The following CXCL13 variants were observed in gnomAD, a reference collection of about 807,000 sequenced individuals.
CXCL13 encodes C-X-C motif chemokine 13.
In CXCL13, 7 loss-of-function variants were observed where a neutral mutation model predicts 12.2. That is an observed-to-expected ratio of 0.57 (90% CI 0.33 to 1.07). CXCL13 has a LOEUF of 1.07. Among genes scored for constraint, CXCL13 ranks in the 50% least tolerant of loss-of-function variants. The probability of loss-of-function intolerance (pLI) is 0.04; values close to 1 mark genes in which losing one functional copy is unlikely to be tolerated. For missense variants in CXCL13, 113 were observed against 127.4 expected (o/e 0.89, Z 0.55); for synonymous variants, 47 against 42.4 (o/e 1.11, Z -0.42).
intron 1 of CXCL13, among the ~76,000 whole-genome samples, chr4:77,571,688 T>G (rs1560529672): frequency 6.6e-6 from 1 of 151,736 alleles, no homozygotes; most frequent in Non-Finnish European, 1.5e-5. Context: ...AGGATGTGGG[T>G]GGGGCCAGAT....
chr4:77,605,669 T>C (rs1272460161), upstream of CXCL13, among the ~76,000 whole-genome samples: 1 of 152,244 alleles, frequency 6.6e-6, no homozygotes, highest in East Asian at 1.9e-4. Flanking sequence ...GAAACAAATT[T>C]ATAAAGTTTG....
intron 1 of CXCL13, among the ~76,000 whole-genome samples, chr4:77,530,964 G>T (rs2110084563): frequency 1.3e-5 from 2 of 151,384 alleles, no homozygotes; most frequent in Middle Eastern, 6.9e-3. Flanking sequence ...CAGAGATTCT[G>T]GTATCTTGTG....
At chr4:77,594,000 G>A (rs972956474) in intron 1 of CXCL13, among the ~76,000 whole-genome samples, 5 of 152,230 alleles carry the variant, frequency 3.3e-5, no homozygotes, top group Non-Finnish European at 7.3e-5. Flanking sequence ...CAGCATTGCT[G>A]CTGGCTGATG....
intron 1 of CXCL13, among the ~76,000 whole-genome samples, chr4:77,544,015 G>A (rs1725287025): frequency 6.6e-6 from 1 of 152,030 alleles, no homozygotes; most frequent in African/African-American, 2.4e-5. Flanking sequence ...TTCTGTCCTT[G>A]CGATATTTTG....
At chr4:77,572,093 T>C (rs1039291473) in intron 1 of CXCL13, among the ~76,000 whole-genome samples, 2 of 151,648 alleles carry the variant, frequency 1.3e-5, no homozygotes, top group Non-Finnish European at 2.9e-5. Context: ...ACCGCGAGGG[T>C]CCGCGGCTTC....
intron 1 of CXCL13, among the ~76,000 whole-genome samples, chr4:77,526,061 AG>A (rs1223359364): frequency 6.6e-6 from 1 of 152,144 alleles, no homozygotes; most frequent in Non-Finnish European, 1.5e-5. Flanking sequence ...AGGTTTCTAG[AG>A]GTATCACTGT....
rs558072223 is a variant in CXCL13, at chr4:77,541,102, T to C, written c.-43+29314T>C. 2.2e-3 allele frequency among the ~76,000 whole-genome samples: 338 copies of C among 152,276 alleles called. 1 individual carries two copies. Among genetic ancestry groups the C allele is most frequent in the African/African-American group, 6.9e-3 (286 of 41,568 alleles). ...CTTTTGCCCATTCTTAATGGGGTTA[T>C]TTTCTTTTTGCTTGTTCAATTGTTT... On this transcript the variant is annotated intron_variant, in intron 1 of 4. Transcript: ENST00000286758.
At chr4:77,604,512 T>G (rs1448010512), upstream of CXCL13, among the ~76,000 whole-genome samples, 1 of 151,500 alleles carries the variant, frequency 6.6e-6, no homozygotes, top group African/African-American at 2.4e-5. Context: ...GATAAGGGGT[T>G]GAATTAGGAC....
intron 1 of CXCL13, among the ~76,000 whole-genome samples, chr4:77,588,653 A>G (rs939318400): frequency 6.6e-6 from 1 of 152,182 alleles, no homozygotes; most frequent in African/African-American, 2.4e-5. Flanking sequence ...TCTTTTGGAT[A>G]CTCAGTTCTC....
intron 1 of CXCL13, among the ~76,000 whole-genome samples, chr4:77,607,305 A>C (rs1033316603): frequency 6.6e-6 from 1 of 152,154 alleles, no homozygotes; most frequent in African/African-American, 2.4e-5. Context: ...AAATTTCAAA[A>C]TTGCTGTGTT....
At chr4:77,545,591 T>A (rs1725341797) in intron 1 of CXCL13, among the ~76,000 whole-genome samples, 1 of 152,232 alleles carries the variant, frequency 6.6e-6, no homozygotes, top group African/African-American at 2.4e-5. Flanking sequence ...TTTTGCACAT[T>A]GATTTTGTAT....
At chr4:77,550,830 A>C (rs1725499369) in intron 1 of CXCL13, among the ~76,000 whole-genome samples, 1 of 152,128 alleles carries the variant, frequency 6.6e-6, no homozygotes, top group South Asian at 2.1e-4. Context: ...AGGATAGTTA[A>C]GTCTTGTTGA....
intron 1 of CXCL13, among the ~76,000 whole-genome samples, chr4:77,571,656 C>G (rs539738665): frequency 6.6e-6 from 1 of 151,770 alleles, no homozygotes; most frequent in African/African-American, 2.4e-5. Flanking sequence ...ACAAAACAAG[C>G]CACTGGGCTC....
At chr4:77,607,931 G>T in intron 2 of CXCL13, 96 bp downstream of exon 2, 1 of 1,259,806 alleles carries the variant, frequency 7.9e-7, no homozygotes, top group Non-Finnish European at 1.1e-6. Flanking sequence ...ATGTCGAAGA[G>T]ATTTACTTGA....
intron 1 of CXCL13, among the ~76,000 whole-genome samples, chr4:77,552,688 A>T (rs1725563698): frequency 6.6e-6 from 1 of 152,028 alleles, no homozygotes; most frequent in African/African-American, 2.4e-5. Context: ...CCAGCCACCA[A>T]GCCCTCAGAG....
intron 1 of CXCL13, among the ~76,000 whole-genome samples, chr4:77,598,481 A>G (rs1478839897): frequency 2.6e-5 from 4 of 152,220 alleles, no homozygotes; most frequent in African/African-American, 4.8e-5. Context: ...CCAAGCCTCT[A>G]TAGTCAAAGT....
At chr4:77,514,380 C>T (rs1380065066) in intron 1 of CXCL13, among the ~76,000 whole-genome samples, 3 of 145,396 alleles carry the variant, frequency 2.1e-5, no homozygotes, top group South Asian at 2.3e-4. Context: ...GGAATCACCA[C>T]ACTGACTTCC....
At chr4:77,520,054 G>T (rs112674015) in intron 1 of CXCL13, among the ~76,000 whole-genome samples, 1 of 152,286 alleles carries the variant, frequency 6.6e-6, no homozygotes, top group African/African-American at 2.4e-5. Context: ...TGAGGGCTCT[G>T]TTCTGTTCCA....
At chr4:77,585,345 G>A (rs1230649482) in intron 1 of CXCL13, among the ~76,000 whole-genome samples, 1 of 152,154 alleles carries the variant, frequency 6.6e-6, no homozygotes, top group Non-Finnish European at 1.5e-5. Flanking sequence ...TATTGCAAAC[G>A]ATGTTTATTT....
Sources: gnomAD v4.1 joint callset for allele counts (sites outside exome capture counted in the v4.1 genomes callset) on GRCh38, gnomAD v4.1.1 for gene constraint, MANE v1.5 for transcripts, NCBI Gene and HGNC (gene_info 2026-07-23, HGNC 2026-07-21) for gene names.